ZNF268: variants seen among roughly 807,000 people sequenced by gnomAD.
ZNF268 encodes the protein zinc finger protein 3.
A neutral mutation model predicts 29.3 loss-of-function variants in ZNF268; 20 were observed. The observed-to-expected ratio is 0.68, with a 90% CI of 0.48 to 0.99. The LOEUF is 0.99. ZNF268 is among the 50% of genes least tolerant of loss of function. ZNF268 has a pLI of 0.00. For synonymous variants in ZNF268, 429 were observed against 376.9 expected (o/e 1.14, Z -1.60); for missense variants, 1,240 against 1,121.6 (o/e 1.11, Z -1.51).
In ZNF268 at chr12:133,203,972, TAGG is replaced by T; in HGVS notation, c.2288_2290del (p.Arg763del). 1 of 1,591,750 alleles carries T rather than the reference TAGG, an allele frequency of 6.3e-7. No individual in the cohort carries two copies. Among genetic ancestry groups the T allele is most frequent in the South Asian group, 1.1e-5 (1 of 88,814 alleles). Reference sequence around the variant, plus strand: ...GCAGTGAATGTGGGAAAGCCTTTAATAGGAAAGACCAGCTCATTTCACATCAGC... The same window carrying T: ...GCAGTGAATGTGGGAAAGCCTTTAATAAAGACCAGCTCATTTCACATCAGC... On this transcript the variant is annotated inframe_deletion, in exon 6 of 6. Coordinates refer to ENST00000536435, the MANE Select transcript of ZNF268 (RefSeq NM_003415.3).
chr12:133,192,673 T>C (rs1316894820), intron 5 of ZNF268, among the ~76,000 whole-genome samples: 1 of 152,068 alleles, frequency 6.6e-6, no homozygotes, highest in Admixed American at 6.6e-5. Flanking sequence ...TCTATGCTAA[T>C]GGATTTTTTT....
Position 133,213,925 on chromosome 12 carries a change from G to A in ZNF268, c.*9395G>A, listed in dbSNP as rs1458311502. Reference sequence around the variant, plus strand: ...GAGGAAGGAGAATGGCGTGAACCTGGAACCAGTGAGCCCAGATCTCACCAC... The same window carrying A: ...GAGGAAGGAGAATGGCGTGAACCTGAAACCAGTGAGCCCAGATCTCACCAC... On this transcript the variant is annotated 3_prime_UTR_variant, in exon 6 of 6. Coordinates refer to ENST00000536435, the MANE Select transcript of ZNF268 (RefSeq NM_003415.3). 1 of 152,048 alleles carries A rather than the reference G, an allele frequency of 6.6e-6. No homozygotes were observed. Among genetic ancestry groups the A allele is most frequent in the East Asian group, 1.9e-4 (1 of 5,188 alleles). The allele number at this position is 152,048 out of a possible 1,614,324, so 9.4% of individuals were successfully genotyped here.
At chr12:133,197,256 C>G (rs1452182907) in intron 5 of ZNF268, among the ~76,000 whole-genome samples, 3 of 139,726 alleles carry the variant, frequency 2.1e-5, no homozygotes, top group African/African-American at 8.0e-5. Flanking sequence ...TCTCATTGTT[C>G]AATTCCCACC....
chr12:133,181,567 G>GT lies in ZNF268; in HGVS notation c.-171dup, dbSNP rs2135476295. 1 of 165,018 alleles carries GT rather than the reference G, an allele frequency of 6.1e-6. No homozygotes were observed. The highest frequency in any genetic ancestry group is 2.4e-5 in the African/African-American group (1 of 42,104). The allele number at this position is 165,018 out of a possible 1,614,324, so 10.2% of individuals were successfully genotyped here. A position where few individuals can be genotyped will look rare whatever the true frequency, so the allele number is the denominator to read the frequency against. ...CCTCAGATAGCGTTCATCGCCCGTC[G>GT]TGGTCAACGGGCCAGCCGAGTCTGG... On this transcript the variant is annotated 5_prime_UTR_variant, in exon 1 of 6. Transcript: ENST00000536435.
rs1177483763 is a variant in ZNF268 at position 133,202,492 on chromosome 12, T to C, written c.806T>C (p.Met269Thr). ...NKKSQLMCQQ[M>T]YMGEKPFGCS... ...AAATCGCAACTTATGTGCCAACAAA[T>C]GTATATGGGCGAAAAACCCTTTGGA... Residue 269 changes from methionine to threonine, a missense_variant, in exon 6 of 6, where the codon ATG (methionine) becomes ACG (threonine). Met to Thr is a moderately conservative substitution (Grantham distance 81, BLOSUM62 -1). This residue lies in a region of ZNF268 where 1,177 missense variants were observed against 1,039.6 expected (regional missense o/e 1.13). Transcript: ENST00000536435. 1.9e-6 allele frequency: 3 copies of C among 1,612,272 alleles called. No individual in the cohort carries two copies. The highest frequency in any genetic ancestry group is 4.5e-5 in the East Asian group (2 of 44,856).
intron 5 of ZNF268, among the ~76,000 whole-genome samples, chr12:133,196,659 A>C (rs1245311800): frequency 6.6e-6 from 1 of 152,222 alleles, no homozygotes; most frequent in Non-Finnish European, 1.5e-5. Flanking sequence ...ATCTGATTCT[A>C]GGGCACAGAG....
In ZNF268 at chr12:133,207,080, A is replaced by AT. The variant is rs1432893904; in HGVS notation, c.*2553dup. 1 of 152,222 alleles carries AT rather than the reference A, an allele frequency of 6.6e-6. No homozygotes were observed. Among genetic ancestry groups the AT allele is most frequent in the African/African-American group, 2.4e-5 (1 of 41,466 alleles). The allele number at this position is 152,222 out of a possible 1,614,324, so 9.4% of individuals were successfully genotyped here. On this transcript the variant is annotated 3_prime_UTR_variant, in exon 6 of 6. Transcript: ENST00000536435. The stretch of plus-strand genomic sequence containing the variant: ...GAATAATACTTGATTAGGACTTATT[A>AT]TTTAATGAAATGAAAATTTTACAAA...
chr12:133,186,456 C>T (rs1253177307), intron 2 of ZNF268, among the ~76,000 whole-genome samples: 1 of 151,642 alleles, frequency 6.6e-6, no homozygotes, highest in Non-Finnish European at 1.5e-5. Flanking sequence ...TCACTGCAAC[C>T]TCTGCTTCCC....
At chr12:133,194,426 G>C (rs1178801390) in intron 5 of ZNF268, among the ~76,000 whole-genome samples, 1 of 152,156 alleles carries the variant, frequency 6.6e-6, no homozygotes, top group African/African-American at 2.4e-5. Context: ...ATTTTCCTTA[G>C]GTTACCTTCT....
chr12:133,183,724 G>A (rs1221233663), intron 2 of ZNF268, among the ~76,000 whole-genome samples: 1 of 152,104 alleles, frequency 6.6e-6, no homozygotes, highest in African/African-American at 2.4e-5. Context: ...CCTCTAGGTA[G>A]AGGTTGCAAA....
In ZNF268 at chr12:133,191,414, T is replaced by G. The variant is rs1956470994; in HGVS notation, c.235-75T>G. On this transcript the variant is annotated intron_variant, in intron 3 of 5. Coordinates refer to ENST00000536435, the MANE Select transcript of ZNF268 (RefSeq NM_003415.3). ...TTCTCACAAAGTTAAACATAAATAA[T>G]GGACACCCTAAACAGCTAGTTTTCC... The G allele has an allele frequency of 2.6e-6, 4 of 1,564,098 alleles. 1 individual carries two copies. In the South Asian group the frequency reaches 4.5e-5, roughly 18 times the overall value.
intron 5 of ZNF268, 146 bp downstream of exon 5, chr12:133,192,149 C>G: frequency 1.6e-6 from 1 of 636,642 alleles, no homozygotes; most frequent in Non-Finnish European, 2.6e-6. Context: ...ACTTTGTTGC[C>G]CAGGCTGGGG....
At position 133,187,860 on chromosome 12, in the gene ZNF268, TTGAGTCCACAGG is replaced by T; in HGVS notation, c.34-10_35del. On this transcript the variant is annotated splice_acceptor_variant and splice_polypyrimidine_tract_variant and coding_sequence_variant and intron_variant, in exon 3 of 6. Transcript: ENST00000536435. LOFTEE classifies it high-confidence loss of function. ...AATGCTCGCTAAAGTAAATTTGCTC[TTGAGTCCACAGG>T]TCCCACCTCTCCAAGAACGAAACAG... 1 of 1,577,522 alleles carries T rather than the reference TTGAGTCCACAGG, an allele frequency of 6.3e-7. No homozygotes were observed.
intron 2 of ZNF268, chr12:133,184,901 G>A (rs1236937352): frequency 3.3e-6 from 1 of 300,482 alleles, no homozygotes; most frequent in East Asian, 8.1e-5. Flanking sequence ...TAGTGGTGAT[G>A]GGCTGTGTGT....
In ZNF268 at chr12:133,212,445, T is replaced by TTATATATATA. The variant is rs565059550; in HGVS notation, c.*7959_*7968dup. ...CCAAGGGAGACTTTCATGTGTGATTTTATATATATATATATATATATATAT... is the reference window on the plus strand; with the variant it reads ...CCAAGGGAGACTTTCATGTGTGATTTTATATATATATATATATATATATATATATATATAT... On this transcript the variant is annotated 3_prime_UTR_variant, in exon 6 of 6. Coordinates refer to ENST00000536435, the MANE Select transcript of ZNF268 (RefSeq NM_003415.3). The TTATATATATA allele has an allele frequency of 5.4e-4, 64 of 118,474 alleles. No individual in the cohort carries two copies. The highest frequency in any genetic ancestry group is 7.9e-4 in the Non-Finnish European group (43 of 54,142). The allele number at this position is 118,474 out of a possible 1,614,324, so 7.3% of individuals were successfully genotyped here.
At chr12:133,188,103 T>G in intron 3 of ZNF268, 31 bp downstream of exon 3, 1 of 1,518,314 alleles carries the variant, frequency 6.6e-7, no homozygotes, top group Non-Finnish European at 8.8e-7. Context: ...TTCCTAGTGT[T>G]TTCTTTATTA....
rs1403040897 is a variant in ZNF268 at position 133,203,218 on chromosome 12, G to C, written c.1532G>C (p.Ser511Thr). ...VCNECGKAFR[S>T]KSYLIIHTRT... ...AATGAATGTGGCAAAGCCTTCAGGA[G>C]CAAGTCATACCTTATTATACATACA... The change falls in exon 6 of 6, where the codon AGC becomes ACC. Residue 511 changes from serine (S) to threonine (T), a missense_variant. Ser to Thr is a moderately conservative substitution (Grantham distance 58). Transcript: ENST00000536435. The C allele has an allele frequency of 6.5e-7, 1 of 1,537,784 alleles. No homozygotes were observed. Among genetic ancestry groups the C allele is most frequent in the African/African-American group, 1.4e-5 (1 of 72,996 alleles).
rs1956910377 is a variant in ZNF268 at position 133,207,038 on chromosome 12, TCA to T, written c.*2511_*2512del. 6.6e-6 allele frequency: 1 copy of T among 152,204 alleles called. No individual in the cohort carries two copies. Among genetic ancestry groups the T allele is most frequent in the Non-Finnish European group, 1.5e-5 (1 of 68,026 alleles). 9.4% of individuals were successfully genotyped at this position (152,204 alleles called of 1,614,324 possible). On this transcript the variant is annotated 3_prime_UTR_variant, in exon 6 of 6. Transcript: ENST00000536435. Reference sequence around the variant, plus strand: ...GTGTTGACAGTATTGAGGACAGCACTCACATACTGTGGGAAAGAATAATACTT... The same window carrying T: ...GTGTTGACAGTATTGAGGACAGCACTCATACTGTGGGAAAGAATAATACTT...
At position 133,210,012 on chromosome 12, in the gene ZNF268, A is replaced by G. The variant is rs962193784; in HGVS notation, c.*5482A>G. On this transcript the variant is annotated 3_prime_UTR_variant, in exon 6 of 6. Coordinates refer to ENST00000536435, the MANE Select transcript of ZNF268 (RefSeq NM_003415.3). Reference sequence around the variant, plus strand: ...TGTATAAAAAGTAGTTGGGCTTGCTATAAAGATGACTAGTGGAAACCTCAA... The same window carrying G: ...TGTATAAAAAGTAGTTGGGCTTGCTGTAAAGATGACTAGTGGAAACCTCAA... The G allele has an allele frequency of 1.2e-4, 19 of 152,210 alleles. No homozygotes were observed. The highest frequency in any genetic ancestry group is 2.7e-4 in the African/African-American group (11 of 41,454). 9.4% of individuals were successfully genotyped at this position (152,210 alleles called of 1,614,324 possible).
Sources: gnomAD v4.1 joint callset for allele counts (sites outside exome capture counted in the v4.1 genomes callset) on GRCh38, gnomAD v4.1.1 for gene constraint, gnomAD v4.1.1 regional missense constraint, MANE v1.5 for transcripts, NCBI Gene and HGNC (gene_info 2026-07-23, HGNC 2026-07-21) for gene names.